Variants in SHPK observed in about 807,000 individuals in gnomAD.
The protein encoded by SHPK is sedoheptulokinase.
A neutral mutation model predicts 46.3 loss-of-function variants in SHPK; 51 were observed. That is an observed-to-expected ratio of 1.10 (90% confidence interval 0.88 to 1.39). SHPK has a LOEUF of 1.39. Among genes scored for constraint, SHPK ranks in the 40% most tolerant of loss-of-function variants. The probability of loss-of-function intolerance (pLI) is 0.00; values close to 1 mark genes in which losing one functional copy is unlikely to be tolerated. For synonymous variants in SHPK, 290 were observed against 273.9 expected, an observed-to-expected ratio of 1.06 and a Z score of -0.58; for missense variants, 668 against 641.3, an observed-to-expected ratio of 1.04 and a Z score of -0.45.
chr17:3,621,205 A>G, intron 5 of SHPK, 32 bp downstream of exon 5: 3 of 1,550,446 alleles, frequency 1.9e-6, no homozygotes, highest in Non-Finnish European at 2.6e-6. Flanking sequence ...GCGACAGTGT[A>G]AGTCTGAGGA....
intron 2 of SHPK, among the ~76,000 whole-genome samples, chr17:3,628,767 G>A (rs2075453420): frequency 6.6e-6 from 1 of 152,100 alleles, no homozygotes; most frequent in African/African-American, 2.4e-5. Flanking sequence ...TCTCACCTCA[G>A]CCTCCCAAGT....
intron 1 of SHPK, among the ~76,000 whole-genome samples, 185 bp downstream of exon 1, chr17:3,635,867 A>G (rs2075519619): frequency 6.6e-6 from 1 of 152,022 alleles, no homozygotes; most frequent in Admixed American, 6.6e-5. Flanking sequence ...GGTGGGAAGG[A>G]TTCTGGGACC....
Position 3,623,448 on chromosome 17 carries a change from C to T in SHPK, c.538G>A (p.Asp180Asn), listed in dbSNP as rs925211754. 1.9e-5 allele frequency: 30 copies of T among 1,614,006 alleles called. No homozygotes were observed. The highest frequency in any genetic ancestry group is 3.3e-5 in the Admixed American group (2 of 60,006). ...CCACACAGCATGGCAACCACATAGT[C>T]GTGGATGGTACCGGCTGCGTCGTAG... ...KSYDAAGTIHDYVVAMLCGLP... is the reference protein window; with the variant it reads ...KSYDAAGTIHNYVVAMLCGLP... Residue 180 changes from aspartate to asparagine, a missense_variant, in exon 4 of 7, where the codon GAC becomes AAC. Coordinates refer to ENST00000225519, the MANE Select transcript of SHPK (RefSeq NM_013276.4).
In SHPK at chr17:3,624,875, G is replaced by A. The variant is rs549572004; in HGVS notation, c.311-644C>T. 2.4e-4 allele frequency among the ~76,000 whole-genome samples: 37 copies of A among 152,136 alleles called. 1 individual carries two copies. The East Asian group carries it at 2.9e-3, about 12-fold the overall frequency. On this transcript the variant is annotated intron_variant, in intron 2 of 6. Transcript: ENST00000225519. ...TCATCATGCTGCCCAGGCTGGTCTC[G>A]AACTCCTGAGCTCAGGCAATCCACC...
chr17:3,629,388 G>T (rs1041703759), intron 2 of SHPK, among the ~76,000 whole-genome samples: 4 of 152,148 alleles, frequency 2.6e-5, no homozygotes, highest in African/African-American at 9.6e-5. Context: ...CACTGTGGCA[G>T]ATCTTCATAA....
At chr17:3,626,213 G>C (rs942878414) in intron 2 of SHPK, among the ~76,000 whole-genome samples, 6 of 152,190 alleles carry the variant, frequency 3.9e-5, no homozygotes, top group Admixed American at 3.9e-4. Flanking sequence ...ATCCTTAAAA[G>C]TTCACTAGAA....
chr17:3,624,221 C>A lies in SHPK; in HGVS notation c.321G>T (p.Trp107Cys). ...ACACCGGGGTAATCCCTCCCTCTGT[C>A]CATTCACAGCCTGGAACAAAAGAGA... ...VFWKTGQGCE[W>C]TEGGITPVFE... The change falls in exon 3 of 7, where the codon TGG becomes TGT. Residue 107 changes from tryptophan (W) to cysteine (C), a missense_variant. Coordinates refer to ENST00000225519, the MANE Select transcript of SHPK (RefSeq NM_013276.4). The A allele has an allele frequency of 6.2e-7, 1 of 1,609,342 alleles. No individual in the cohort carries two copies. Among genetic ancestry groups the A allele is most frequent in the Non-Finnish European group, 8.5e-7 (1 of 1,176,384 alleles).
Position 3,610,340 on chromosome 17 carries a change from C to T in SHPK, c.*220G>A. On this transcript the variant is annotated 3_prime_UTR_variant, in exon 7 of 7. Coordinates refer to ENST00000225519, the MANE Select transcript of SHPK (RefSeq NM_013276.4). ...ATTTGTAAATAGCTCCCAGGTGGGT[C>T]AATTTCGGAAGGCACTCATTTGGGA... The T allele has an allele frequency of 1.1e-5, 6 of 552,020 alleles. No homozygotes were observed. Among genetic ancestry groups the T allele is most frequent in the Non-Finnish European group, 1.9e-5 (6 of 309,712 alleles). The allele number at this position is 552,020 out of a possible 1,614,324, so 34.2% of individuals were successfully genotyped here.
rs746613972 is a variant in SHPK, at chr17:3,615,542, G to A, written c.824-5C>T. The A allele has an allele frequency of 4.3e-6, 7 of 1,613,872 alleles. No homozygotes were observed. The highest frequency in any genetic ancestry group is 5.9e-6 in the Non-Finnish European group (7 of 1,179,798). ...CCGAGGTGCTGATGTTGAGAACTGG[G>A]GTCCGAAGAGAGCAGAGCTTAGGCC... On this transcript the variant is annotated splice_polypyrimidine_tract_variant and splice_region_variant and intron_variant, in intron 5 of 6. Coordinates refer to ENST00000225519, the MANE Select transcript of SHPK (RefSeq NM_013276.4).
intron 5 of SHPK, 62 bp from the exon 6 acceptor site, chr17:3,615,599 G>T: frequency 6.8e-7 from 1 of 1,477,416 alleles, no homozygotes; most frequent in Non-Finnish European, 9.4e-7. Flanking sequence ...ACAAGTCACA[G>T]TTTGGCAGTG....
rs768397739 is a variant in SHPK, at chr17:3,610,888, G to C, written c.1109C>G (p.Pro370Arg). The C allele has an allele frequency of 1.2e-6, 2 of 1,613,844 alleles. No homozygotes were observed. The highest frequency in any genetic ancestry group is 1.7e-5 in the Admixed American group (1 of 60,004). The change falls in exon 7 of 7, where the codon CCG (proline) becomes CGG (arginine). Residue 370 changes from proline to arginine, a missense_variant. Transcript: ENST00000225519. ...QQRDTHLTIT[P>R]TVLGERHLPD... Reference sequence around the variant, plus strand: ...CAGGTGCCTCTCCCCCAGCACTGTCGGGGTGATGGTCAGGTGGGTATCTCT... The same window carrying C: ...CAGGTGCCTCTCCCCCAGCACTGTCCGGGTGATGGTCAGGTGGGTATCTCT...
At chr17:3,622,045 G>A (rs146837655) in intron 4 of SHPK, among the ~76,000 whole-genome samples, 590 of 151,904 alleles carry the variant, frequency 3.9e-3, no homozygotes, top group African/African-American at 0.013. Flanking sequence ...CAACCTCCCA[G>A]GCTCAAGCAA....
In SHPK at chr17:3,624,129, G is replaced by T. The variant is rs894508537; in HGVS notation, c.413C>A (p.Ala138Asp). The T allele has an allele frequency of 6.2e-7, 1 of 1,614,052 alleles. No homozygotes were observed. Among genetic ancestry groups the T allele is most frequent in the Non-Finnish European group, 8.5e-7 (1 of 1,180,016 alleles). The change falls in exon 3 of 7, where the codon GCC becomes GAC. Residue 138 changes from alanine (A) to aspartate (D), a missense_variant. Transcript: ENST00000225519. ...ATGAGACTTCGGCTGGGGCAGAGAG[G>T]CCAGGAATTCGCTGCTACATCGGCC... ...QDGRCSSEFL[A>D]SLPQPKSHLS... is the part of the protein sequence containing the mutation.
chr17:3,611,360 G>C (rs905908557), intron 6 of SHPK, among the ~76,000 whole-genome samples: 4 of 152,222 alleles, frequency 2.6e-5, no homozygotes, highest in African/African-American at 9.6e-5. Context: ...CCTGAGGTCA[G>C]GAGTTCAAGA....
In SHPK at chr17:3,621,187, T is replaced by C. The variant is rs758385380; in HGVS notation, c.823+50A>G. 5 of 1,482,550 alleles carry C rather than the reference T, an allele frequency of 3.4e-6. No individual in the cohort carries two copies. The Middle Eastern group carries it at 6.9e-4, about 205-fold the overall frequency. The allele number at this position is 1,482,550 out of a possible 1,614,324, so 91.8% of individuals were successfully genotyped here. A position where few individuals can be genotyped will look rare whatever the true frequency, so the allele number is the denominator to read the frequency against. ...CAGACTCGCACAGAGCTGGTGCTTA[T>C]GAGGCAGGCGACAGTGTAAGTCTGA... On this transcript the variant is annotated intron_variant, in intron 5 of 6. Transcript: ENST00000225519.
At chr17:3,614,340 C>T (rs543355418) in intron 6 of SHPK, among the ~76,000 whole-genome samples, 18 of 151,714 alleles carry the variant, frequency 1.2e-4, no homozygotes, top group South Asian at 8.3e-4. Flanking sequence ...CTGGCTAACA[C>T]GGTGAAACCC....
intron 1 of SHPK, among the ~76,000 whole-genome samples, chr17:3,634,255 A>G (rs2075491899): frequency 6.8e-6 from 1 of 146,404 alleles, no homozygotes; most frequent in Non-Finnish European, 1.5e-5. Flanking sequence ...AACACCCAAG[A>G]GTGATCAATT....
chr17:3,633,854 A>G (rs567924857), intron 1 of SHPK, among the ~76,000 whole-genome samples: 6 of 152,150 alleles, frequency 3.9e-5, no homozygotes, highest in Non-Finnish European at 7.4e-5. Flanking sequence ...AAGATTGAGA[A>G]ATCGGATGGT....
At position 3,621,541 on chromosome 17, in the gene SHPK, C is replaced by G; in HGVS notation, c.648-129G>C. The G allele has an allele frequency of 3.8e-6, 3 of 791,634 alleles. No individual in the cohort carries two copies. The South Asian group carries it at 5.6e-5, about 15-fold the overall frequency. The allele number at this position is 791,634 out of a possible 1,614,324, so 49.0% of individuals were successfully genotyped here. On this transcript the variant is annotated intron_variant, in intron 4 of 6. Coordinates refer to ENST00000225519, the MANE Select transcript of SHPK (RefSeq NM_013276.4). The stretch of plus-strand genomic sequence containing the variant: ...CTTCTTCCTTTCCTTTCCTCCCTCC[C>G]TCCCTTCTCTTTACTCCTTCCCTCT...
Sources: allele counts gnomAD v4.1 joint callset (sites outside exome capture counted in the v4.1 genomes callset), GRCh38; gene constraint gnomAD v4.1.1; transcripts MANE v1.5; gene names NCBI Gene and HGNC (gene_info 2026-07-23, HGNC 2026-07-21).